Variants in PLS3 observed in about 807,000 individuals in gnomAD.
PLS3 encodes plastin-3.
In PLS3, 11 loss-of-function variants were observed where a neutral mutation model predicts 46.5. That is an observed-to-expected ratio of 0.24 (90% CI 0.15 to 0.39). The LOEUF (loss-of-function observed/expected upper bound fraction) is 0.39. Among genes scored for constraint, PLS3 ranks in the 10% least tolerant of loss-of-function variants. The pLI, the probability that PLS3 is intolerant of heterozygous loss-of-function variation, is 1.00. For missense variants in PLS3, 308 were observed against 461.8 expected, an observed-to-expected ratio of 0.67 and a Z score of 3.05; for synonymous variants, 167 against 162.2, an observed-to-expected ratio of 1.03 and a Z score of -0.22.
chrX:115,642,869 A>T (rs982860349), intron 9 of PLS3, among the ~76,000 whole-genome samples: 14 of 111,854 alleles, frequency 1.3e-4, no homozygotes, highest in East Asian at 1.1e-3. Flanking sequence ...TTGAAAAAAA[A>T]TTTTAACATA....
chrX:115,631,895 CCAGTTT>C (rs2074780411), intron 5 of PLS3, among the ~76,000 whole-genome samples: 1 of 111,129 alleles, frequency 9.0e-6, no homozygotes, highest in South Asian at 3.8e-4. Context: ...CCTCCACCTC[CCAGTTT>C]CAAGCAATTC....
At chrX:115,633,606 T>A (rs782320484) in intron 5 of PLS3, among the ~76,000 whole-genome samples, 5 of 111,139 alleles carry the variant, frequency 4.5e-5, no homozygotes, top group African/African-American at 1.6e-4. Context: ...TCCTCTTTCC[T>A]CAGCCTCCTG....
chrX:115,621,399 A>G (rs781862440), intron 2 of PLS3, among the ~76,000 whole-genome samples: 1 of 112,459 alleles, frequency 8.9e-6, no homozygotes, highest in South Asian at 3.7e-4. Flanking sequence ...TTAAGTTTAC[A>G]TATGAAAATC....
chrX:115,621,207 G>A (rs2074651701), intron 2 of PLS3, among the ~76,000 whole-genome samples: 1 of 108,188 alleles, frequency 9.2e-6, no homozygotes, highest in African/African-American at 3.4e-5. Flanking sequence ...TAGAAACGGG[G>A]TTTCACCATG....
chrX:115,561,686 A>G (rs916762556), intron 1 of PLS3, among the ~76,000 whole-genome samples: 5 of 110,798 alleles, frequency 4.5e-5, no homozygotes, highest in Non-Finnish European at 9.5e-5. Flanking sequence ...AGCTACTGCC[A>G]TCCCCTCTTC....
chrX:115,590,683 G>C (rs2074338702), intron 1 of PLS3, among the ~76,000 whole-genome samples: 1 of 111,461 alleles, frequency 9.0e-6, no homozygotes, highest in Non-Finnish European at 1.9e-5. Context: ...AGCCGGGCAT[G>C]GTGGCAGGTG....
rs2074985551 is a variant in PLS3 at position 115,649,691 on chromosome X, A to T, written c.*130A>T. On this transcript the variant is annotated 3_prime_UTR_variant, in exon 16 of 16. Transcript: ENST00000355899. ...AGGACTTTTCATTTTGATTAACAGG[A>T]CTAGCTTATCATGAGAGCCCTCAGG... The T allele has an allele frequency of 1.8e-6, 1 of 548,624 alleles. No individual in the cohort carries two copies. The highest frequency in any genetic ancestry group is 2.3e-5 in the African/African-American group (1 of 44,123). The allele number at this position is 548,624 out of a possible 1,213,427, so 45.2% of individuals were successfully genotyped here.
chrX:115,601,062 T>C (rs1362650220), intron 1 of PLS3, among the ~76,000 whole-genome samples: 2 of 110,963 alleles, frequency 1.8e-5, no homozygotes, highest in African/African-American at 3.3e-5. Flanking sequence ...ACTGGGAAGA[T>C]AAATTTTATC....
intron 1 of PLS3, among the ~76,000 whole-genome samples, chrX:115,582,677 T>C (rs1556631954): frequency 8.9e-6 from 1 of 112,538 alleles, no homozygotes. Context: ...ATGACCATTA[T>C]GTGTAGAAAA....
At chrX:115,573,808 A>G (rs1462355527) in intron 1 of PLS3, among the ~76,000 whole-genome samples, 1 of 110,653 alleles carries the variant, frequency 9.0e-6, no homozygotes, top group Admixed American at 9.7e-5. Context: ...GGTTCAAGCA[A>G]TTCTCCCGCC....
intron 1 of PLS3, among the ~76,000 whole-genome samples, chrX:115,590,062 G>T (rs1324844999): frequency 9.0e-6 from 1 of 111,260 alleles, no homozygotes; most frequent in African/African-American, 3.3e-5. Context: ...CACCACGTTG[G>T]CCAGGCTTGT....
intron 5 of PLS3, among the ~76,000 whole-genome samples, chrX:115,632,806 A>G (rs1210036587): frequency 9.2e-6 from 1 of 109,117 alleles, no homozygotes; most frequent in African/African-American, 3.4e-5. Flanking sequence ...ATCATGGCTC[A>G]CTACCGCCAT....
chrX:115,603,109 A>C (rs782688276), intron 1 of PLS3, among the ~76,000 whole-genome samples: 1 of 111,319 alleles, frequency 9.0e-6, no homozygotes, highest in South Asian at 3.8e-4. Flanking sequence ...TACCTTTCTC[A>C]GCAAAGATCT....
chrX:115,605,570 C>T (rs984189390), intron 1 of PLS3, among the ~76,000 whole-genome samples: 1 of 111,501 alleles, frequency 9.0e-6, no homozygotes, highest in African/African-American at 3.3e-5. Flanking sequence ...GTCCTCCCAC[C>T]TCAGTTTCCC....
chrX:115,588,826 T>C (rs1416768001), intron 1 of PLS3, among the ~76,000 whole-genome samples: 1 of 111,902 alleles, frequency 8.9e-6, no homozygotes, highest in Non-Finnish European at 1.9e-5. Context: ...TTGTATGTTT[T>C]TATTAGCTAC....
At chrX:115,640,583 T>C in intron 9 of PLS3, 80 bp downstream of exon 9, 1 of 541,044 alleles carries the variant, frequency 1.8e-6, no homozygotes, top group South Asian at 3.2e-5. Flanking sequence ...ATTTTTATAA[T>C]CGTATGAAGT....
chrX:115,627,053 T>A (rs1353345828), intron 3 of PLS3, among the ~76,000 whole-genome samples: 1 of 109,794 alleles, frequency 9.1e-6, no homozygotes, highest in Non-Finnish European at 1.9e-5. Context: ...TTCATCAAGT[T>A]GGCCAGGCTG....
chrX:115,578,463 C>T (rs1040011045), intron 1 of PLS3, among the ~76,000 whole-genome samples: 1 of 111,148 alleles, frequency 9.0e-6, no homozygotes, highest in East Asian at 2.8e-4. Flanking sequence ...TGGTGGCTCA[C>T]GCCTGTAATC....
chrX:115,641,325 T>G (rs1337219735), intron 9 of PLS3, among the ~76,000 whole-genome samples: 3 of 104,625 alleles, frequency 2.9e-5, no homozygotes, highest in Non-Finnish European at 3.9e-5. Flanking sequence ...TCTCCTGGGT[T>G]CAAGCAATTC....
Sources: allele counts gnomAD v4.1 joint callset (sites outside exome capture counted in the v4.1 genomes callset), GRCh38; gene constraint gnomAD v4.1.1; transcripts MANE v1.5; gene names NCBI Gene and HGNC (gene_info 2026-07-23, HGNC 2026-07-21).